GPC6: variants seen among roughly 807,000 people sequenced by gnomAD.
GPC6 encodes the protein glypican 6.
In GPC6, 14 loss-of-function variants were observed where a neutral mutation model predicts 55.2. The observed-to-expected ratio is 0.25, with a 90% CI of 0.17 to 0.40. GPC6 has a LOEUF of 0.40. Ranked by LOEUF, GPC6 falls within the 10% of genes least tolerant of loss-of-function variation. GPC6 has a pLI of 1.00. For missense variants in GPC6, 641 were observed against 708.5 expected, an observed-to-expected ratio of 0.90 and a Z score of 1.08; for synonymous variants, 278 against 259.6, an observed-to-expected ratio of 1.07 and a Z score of -0.68.
intron 3 of GPC6, among the ~76,000 whole-genome samples, chr13:93,979,089 A>G (rs1386817705): frequency 6.6e-6 from 1 of 152,142 alleles, no homozygotes; most frequent in Non-Finnish European, 1.5e-5. Context: ...CAATTCTGGG[A>G]CAACACTATC....
At chr13:93,662,001 G>T (rs1297318187) in intron 2 of GPC6, among the ~76,000 whole-genome samples, 3 of 152,156 alleles carry the variant, frequency 2.0e-5, no homozygotes, top group Non-Finnish European at 2.9e-5. Flanking sequence ...TAAAAACTGT[G>T]TGGGATACTG....
intron 1 of GPC6, among the ~76,000 whole-genome samples, chr13:93,324,593 T>TATACACACATACATAC (rs1879580630): frequency 4.7e-5 from 6 of 128,870 alleles, no homozygotes; most frequent in African/African-American, 1.6e-4. Flanking sequence ...CATACATATA[T>TATACACACATACATAC]ATATATATAT....
At chr13:93,688,702 G>T (rs1284110304) in intron 2 of GPC6, among the ~76,000 whole-genome samples, 1 of 152,034 alleles carries the variant, frequency 6.6e-6, no homozygotes, top group Non-Finnish European at 1.5e-5. Context: ...TCACTTACAT[G>T]AAGTACCTAG....
chr13:93,982,791 A>G (rs919193799), intron 3 of GPC6, among the ~76,000 whole-genome samples: 3 of 152,168 alleles, frequency 2.0e-5, no homozygotes, highest in African/African-American at 7.2e-5. Flanking sequence ...GCCAAATGGT[A>G]TTGAGTTGGG....
intron 2 of GPC6, among the ~76,000 whole-genome samples, chr13:93,701,014 A>G (rs1220367830): frequency 6.6e-6 from 1 of 152,136 alleles, no homozygotes; most frequent in Non-Finnish European, 1.5e-5. Flanking sequence ...ACTTACACTG[A>G]TTAGAGAAAC....
At chr13:94,297,131 G>A (rs1332325222) in intron 5 of GPC6, among the ~76,000 whole-genome samples, 1 of 152,126 alleles carries the variant, frequency 6.6e-6, no homozygotes, top group Non-Finnish European at 1.5e-5. Context: ...AGATTTCTCA[G>A]ATGCTCCAGC....
chr13:93,424,718 TGA>T (rs1877058703), intron 1 of GPC6, among the ~76,000 whole-genome samples: 1 of 152,136 alleles, frequency 6.6e-6, no homozygotes, highest in Non-Finnish European at 1.5e-5. Context: ...AAAAAATGTG[TGA>T]GAGAGAGGTT....
rs557872111 is a variant in GPC6, at chr13:94,046,636, A to G, written c.877+18742A>G. Among the ~76,000 whole-genome samples the G allele has an allele frequency of 5.3e-5, 8 of 152,222 alleles. No individual in the cohort carries two copies. In the East Asian group the frequency reaches 1.2e-3, roughly 22 times the overall value. ...GTGGCTCACTTTTATTTCTTATAACATGAAATTATTATTATACCTTATCCC... is the reference window on the plus strand; with the variant it reads ...GTGGCTCACTTTTATTTCTTATAACGTGAAATTATTATTATACCTTATCCC... On this transcript the variant is annotated intron_variant, in intron 4 of 8. Transcript: ENST00000377047.
In GPC6 at chr13:93,363,764, G is replaced by A. The variant is rs1420143052; in HGVS notation, c.160+136148G>A. ...ACAGTCCCACCAACAGTGTAAAAGT[G>A]TTCCTATTTCTCCACATCCTCTCCA... On this transcript the variant is annotated intron_variant, in intron 1 of 8. Transcript: ENST00000377047. Among the ~76,000 whole-genome samples, 17 of 150,934 alleles carry A rather than the reference G, an allele frequency of 1.1e-4. No individual in the cohort carries two copies. The East Asian group carries it at 1.2e-3, about 10-fold the overall frequency.
chr13:93,375,156 T>C (rs570434252), intron 1 of GPC6, among the ~76,000 whole-genome samples: 3 of 152,330 alleles, frequency 2.0e-5, no homozygotes, highest in South Asian at 2.1e-4. Context: ...ATTCATACAT[T>C]ATTATTTTCC....
chr13:93,437,723 T>A (rs866790788), intron 1 of GPC6, among the ~76,000 whole-genome samples: 1 of 152,184 alleles, frequency 6.6e-6, no homozygotes, highest in Non-Finnish European at 1.5e-5. Flanking sequence ...AAGCAGCAGG[T>A]GCTGATGAAG....
rs911155186 is a variant in GPC6, at chr13:94,338,374, C to T, written c.1152+32251C>T. On this transcript the variant is annotated intron_variant, in intron 6 of 8. Coordinates refer to ENST00000377047, the MANE Select transcript of GPC6 (RefSeq NM_005708.5). The stretch of plus-strand genomic sequence containing the variant: ...AGCAGAGATGACCAATCCTGCTTGC[C>T]AGCACCATCTCTGCAGAGAGCAGAA... Among the ~76,000 whole-genome samples, 5 of 152,300 alleles carry T rather than the reference C, an allele frequency of 3.3e-5. No homozygotes were observed. The South Asian group carries it at 1.0e-3, about 32-fold the overall frequency.
chr13:93,828,297 G>C (rs1260737219), intron 2 of GPC6, among the ~76,000 whole-genome samples: 1 of 151,812 alleles, frequency 6.6e-6, no homozygotes, highest in Non-Finnish European at 1.5e-5. Context: ...TCCTGTATCA[G>C]CAAGGCCAAG....
intron 2 of GPC6, among the ~76,000 whole-genome samples, chr13:93,749,356 C>A (rs1884501979): frequency 6.6e-6 from 1 of 151,844 alleles, no homozygotes; most frequent in Non-Finnish European, 1.5e-5. Flanking sequence ...TTGGTTTTAT[C>A]CTAAGAAATT....
intron 2 of GPC6, among the ~76,000 whole-genome samples, chr13:93,659,080 T>C (rs886973054): frequency 1.3e-5 from 2 of 151,928 alleles, no homozygotes; most frequent in African/African-American, 4.8e-5. Context: ...TCTGTCTTCT[T>C]CAGTTTTGGT....
intron 2 of GPC6, among the ~76,000 whole-genome samples, chr13:93,782,321 T>C (rs1885676900): frequency 6.6e-6 from 1 of 152,224 alleles, no homozygotes; most frequent in Non-Finnish European, 1.5e-5. Flanking sequence ...ATTTTCCTTA[T>C]CCATTCATCG....
intron 3 of GPC6, among the ~76,000 whole-genome samples, chr13:93,923,874 A>T (rs535890534): frequency 6.0e-4 from 91 of 152,288 alleles, no homozygotes; most frequent in South Asian, 4.1e-3. Context: ...AGGCTAATTT[A>T]TTACTCATGA....
At chr13:94,312,595 T>C (rs1259888560) in intron 6 of GPC6, among the ~76,000 whole-genome samples, 2 of 152,284 alleles carry the variant, frequency 1.3e-5, no homozygotes, top group African/African-American at 4.8e-5. Context: ...CAAAAGGATG[T>C]CAGGCTGTGC....
intron 1 of GPC6, among the ~76,000 whole-genome samples, chr13:93,402,361 G>A (rs1876123996): frequency 6.6e-6 from 1 of 152,112 alleles, no homozygotes; most frequent in African/African-American, 2.4e-5. Context: ...AGTGTTTGTA[G>A]CACGCCATCC....
Sources: gnomAD v4.1 joint callset for allele counts (sites outside exome capture counted in the v4.1 genomes callset) on GRCh38, gnomAD v4.1.1 for gene constraint, MANE v1.5 for transcripts, NCBI Gene and HGNC (gene_info 2026-07-23, HGNC 2026-07-21) for gene names.